Variants in STAG1 observed in about 807,000 individuals in gnomAD.
STAG1 encodes STAG1 cohesin complex component, also known as cohesin subunit SA-1.
In STAG1, 26 loss-of-function variants were observed where a neutral mutation model predicts 170.9. The observed-to-expected ratio is 0.15, with a 90% CI of 0.11 to 0.21. The LOEUF is 0.21. Ranked by LOEUF, STAG1 falls within the 10% of genes least tolerant of loss-of-function variation. The probability of loss-of-function intolerance (pLI) is 1.00; values close to 1 mark genes in which losing one functional copy is unlikely to be tolerated. For synonymous variants in STAG1, 514 were observed against 497.7 expected (o/e 1.03, Z -0.44); for missense variants, 964 against 1,509.5 (o/e 0.64, Z 5.99).
At chr3:136,586,296 A>C (rs1307427832) in intron 4 of STAG1, among the ~76,000 whole-genome samples, 1 of 152,018 alleles carries the variant, frequency 6.6e-6, no homozygotes, top group Non-Finnish European at 1.5e-5. Flanking sequence ...CAAACACTAC[A>C]GTCATCTCTT....
chr3:136,600,853 T>C (rs1003721438), intron 4 of STAG1, among the ~76,000 whole-genome samples: 1 of 129,574 alleles, frequency 7.7e-6, no homozygotes, highest in Non-Finnish European at 1.6e-5. Flanking sequence ...TTTTTTCTTG[T>C]TGTTGTTTGT....
At chr3:136,748,711 A>G (rs1350321947) in intron 1 of STAG1, among the ~76,000 whole-genome samples, 1 of 152,132 alleles carries the variant, frequency 6.6e-6, no homozygotes, top group East Asian at 1.9e-4. Context: ...CAATAATAGT[A>G]ATTTTTTTAA....
At chr3:136,666,186 G>C (rs368417835) in intron 1 of STAG1, among the ~76,000 whole-genome samples, 8 of 149,004 alleles carry the variant, frequency 5.4e-5, no homozygotes, top group Non-Finnish European at 1.2e-4. Context: ...CAGGGAAATA[G>C]GGCTTAGTCC....
At chr3:136,474,965 T>C (rs1008136132) in intron 10 of STAG1, among the ~76,000 whole-genome samples, 1 of 152,080 alleles carries the variant, frequency 6.6e-6, no homozygotes, top group Non-Finnish European at 1.5e-5. Flanking sequence ...TAAAGAAAGA[T>C]ACAGGGGTGA....
intron 3 of STAG1, among the ~76,000 whole-genome samples, chr3:136,611,304 C>T (rs1403239392): frequency 6.6e-6 from 1 of 151,998 alleles, no homozygotes; most frequent in Non-Finnish European, 1.5e-5. Context: ...CATGCGCCAC[C>T]ATGCCCGGCT....
intron 21 of STAG1, among the ~76,000 whole-genome samples, chr3:136,402,087 G>C (rs1006848418): frequency 6.6e-6 from 1 of 152,088 alleles, no homozygotes; most frequent in Non-Finnish European, 1.5e-5. Flanking sequence ...GTGTCACTAT[G>C]ATCTTCCCCA....
intron 30 of STAG1, among the ~76,000 whole-genome samples, chr3:136,342,308 C>T (rs904453329): frequency 4.0e-5 from 6 of 151,796 alleles, no homozygotes; most frequent in African/African-American, 9.7e-5. Context: ...CATGAGCCAC[C>T]GCGCCCAGCC....
At chr3:136,506,658 AAAAAG>A (rs1456122280) in intron 7 of STAG1, among the ~76,000 whole-genome samples, 9 of 151,718 alleles carry the variant, frequency 5.9e-5, no homozygotes, top group Admixed American at 2.0e-4. Context: ...AAAAAAAAAA[AAAAAG>A]AAAAGAAAAA....
intron 4 of STAG1, among the ~76,000 whole-genome samples, chr3:136,576,686 T>A (rs1262842069): frequency 1.3e-5 from 2 of 152,170 alleles, no homozygotes; most frequent in African/African-American, 4.8e-5. Flanking sequence ...TGGTTAAAGA[T>A]GAGTTTTAAA....
intron 22 of STAG1, among the ~76,000 whole-genome samples, chr3:136,381,518 G>A (rs960820804): frequency 6.6e-6 from 1 of 152,158 alleles, no homozygotes; most frequent in East Asian, 1.9e-4. Flanking sequence ...CTTGGGGAGA[G>A]CACTTTCAAT....
chr3:136,735,322 T>G lies in STAG1; in HGVS notation c.-84+16873A>C, dbSNP rs1165883190. On this transcript the variant is annotated intron_variant, in intron 1 of 33. Coordinates refer to ENST00000383202, the MANE Select transcript of STAG1 (RefSeq NM_005862.3). Reference sequence around the variant, plus strand: ...TGCATTTTCTGTAGAGACAGGGTCTTGCTATGATGTCCAGTCTGGTCTCAA... The same window carrying G: ...TGCATTTTCTGTAGAGACAGGGTCTGGCTATGATGTCCAGTCTGGTCTCAA... 2.0e-5 allele frequency among the ~76,000 whole-genome samples: 3 copies of G among 152,044 alleles called. No individual in the cohort carries two copies. The South Asian group carries it at 6.2e-4, about 32-fold the overall frequency.
At chr3:136,663,227 G>A (rs1941637213) in intron 1 of STAG1, among the ~76,000 whole-genome samples, 1 of 152,034 alleles carries the variant, frequency 6.6e-6, no homozygotes, top group African/African-American at 2.4e-5. Flanking sequence ...TGATGATGAT[G>A]TTGACAAACA....
At chr3:136,530,510 G>A (rs796651846) in intron 6 of STAG1, among the ~76,000 whole-genome samples, 13 of 152,236 alleles carry the variant, frequency 8.5e-5, no homozygotes, top group African/African-American at 3.1e-4. Flanking sequence ...TAGACCATAT[G>A]TTAAGCCACA....
chr3:136,678,532 A>AT (rs201278964), intron 1 of STAG1, among the ~76,000 whole-genome samples: 14,236 of 151,550 alleles, frequency 0.094, 2,202 homozygotes, highest in African/African-American at 0.33. Context: ...AATTGCAAAA[A>AT]AAAAAAAAAA....
rs566806756 is a variant in STAG1, at chr3:136,337,185, T to TAATC, written c.*1065_*1068dup. The TAATC allele has an allele frequency of 6.1e-4, 93 of 152,796 alleles. No individual in the cohort carries two copies. The East Asian group carries it at 0.01, about 16-fold the overall frequency. 9.5% of individuals were successfully genotyped at this position (152,796 alleles called of 1,614,324 possible). ...GACTTCTATGCAGCACATACTTCTA[T>TAATC]AATCAGTAAACTTAATTCACAAAAT... On this transcript the variant is annotated 3_prime_UTR_variant, in exon 34 of 34. Transcript: ENST00000383202.
intron 7 of STAG1, among the ~76,000 whole-genome samples, chr3:136,514,304 T>C (rs991790941): frequency 3.9e-5 from 6 of 152,110 alleles, no homozygotes; most frequent in African/African-American, 9.7e-5. Flanking sequence ...AACAGACACA[T>C]GAAAAAATGC....
intron 7 of STAG1, among the ~76,000 whole-genome samples, chr3:136,512,096 TAAAAAAAA>T (rs35238532): frequency 3.4e-4 from 23 of 68,298 alleles, no homozygotes; most frequent in African/African-American, 1.3e-3. Flanking sequence ...CTCTACAAAA[TAAAAAAAA>T]AAAAAAAAAA....
chr3:136,345,596 T>C (rs1362422761), intron 29 of STAG1, among the ~76,000 whole-genome samples: 1 of 151,956 alleles, frequency 6.6e-6, no homozygotes, highest in African/African-American at 2.4e-5. Flanking sequence ...GCCAAGTTTC[T>C]ACCTATAAAA....
At chr3:136,703,925 T>C (rs1429521908) in intron 1 of STAG1, among the ~76,000 whole-genome samples, 1 of 151,798 alleles carries the variant, frequency 6.6e-6, no homozygotes, top group Non-Finnish European at 1.5e-5. Flanking sequence ...AGCAGGAGAA[T>C]CGCTTGAACC....
Sources: gnomAD v4.1 joint callset for allele counts (sites outside exome capture counted in the v4.1 genomes callset) on GRCh38, gnomAD v4.1.1 for gene constraint, MANE v1.5 for transcripts, NCBI Gene and HGNC (gene_info 2026-07-23, HGNC 2026-07-21) for gene names.